The following CCDC88C variants were observed in gnomAD, a reference collection of about 807,000 sequenced individuals.
The protein encoded by CCDC88C is coiled-coil and HOOK domain protein 88C.
CCDC88C carries 131 observed loss-of-function variants against 198.8 expected under a neutral mutation model. That is an observed-to-expected ratio of 0.66 (90% CI 0.57 to 0.76). The LOEUF is 0.76. Among genes scored for constraint, CCDC88C ranks in the 30% least tolerant of loss-of-function variants. CCDC88C has a pLI of 0.00. For synonymous variants in CCDC88C, 1,166 were observed against 1,114.7 expected, an observed-to-expected ratio of 1.05 and a Z score of -0.92; for missense variants, 2,553 against 2,631.6, an observed-to-expected ratio of 0.97 and a Z score of 0.65.
intron 3 of CCDC88C, among the ~76,000 whole-genome samples, chr14:91,388,226 C>T (rs1009862671): frequency 3.3e-5 from 5 of 152,202 alleles, no homozygotes; most frequent in African/African-American, 1.2e-4. Flanking sequence ...GTGTGAAGGG[C>T]CCTAACCAAT....
intron 23 of CCDC88C, among the ~76,000 whole-genome samples, chr14:91,293,927 A>G (rs1210739563): frequency 6.6e-6 from 1 of 152,228 alleles, no homozygotes. Context: ...AGAAGCAGAG[A>G]AAAGAAGTTT....
intron 25 of CCDC88C, 197 bp from the exon 26 acceptor site, chr14:91,283,714 G>A (rs961064882): frequency 6.2e-5 from 37 of 597,892 alleles, no homozygotes; most frequent in African/African-American, 5.4e-4. Context: ...GCTTCAGGTG[G>A]TGTCAGAGGC....
At position 91,284,379 on chromosome 14, in the gene CCDC88C, A is replaced by G. The variant is rs1296900618; in HGVS notation, c.4442-862T>C. Among the ~76,000 whole-genome samples the G allele has an allele frequency of 6.6e-6, 1 of 152,222 alleles. No individual in the cohort carries two copies. Among genetic ancestry groups the G allele is most frequent in the Non-Finnish European group, 1.5e-5 (1 of 68,034 alleles). On this transcript the variant is annotated intron_variant, in intron 25 of 29. Coordinates refer to ENST00000389857, the MANE Select transcript of CCDC88C (RefSeq NM_001080414.4). This position sits in a 1 kb window ranked among gnomAD's most constrained non-coding sequence, Gnocchi z 4.1. ...GCTCACTGTGCAGTTTTAAGTGCCCAGAGCTGATGATTTGAAATCAAGGGG... is the reference window on the plus strand; with the variant it reads ...GCTCACTGTGCAGTTTTAAGTGCCCGGAGCTGATGATTTGAAATCAAGGGG...
At chr14:91,302,723 A>G (rs982229273) in intron 20 of CCDC88C, among the ~76,000 whole-genome samples, 1 of 152,228 alleles carries the variant, frequency 6.6e-6, no homozygotes, top group African/African-American at 2.4e-5. Context: ...CAAGAGTTTC[A>G]CTATATGATT....
intron 3 of CCDC88C, among the ~76,000 whole-genome samples, chr14:91,400,551 G>T (rs1255104797): frequency 6.6e-6 from 1 of 152,240 alleles, no homozygotes; most frequent in Non-Finnish European, 1.5e-5. Flanking sequence ...TGGCTGCCTT[G>T]TTCTCTAACC....
chr14:91,386,854 C>T (rs1885180721), intron 3 of CCDC88C, among the ~76,000 whole-genome samples: 2 of 152,168 alleles, frequency 1.3e-5, no homozygotes, highest in South Asian at 4.1e-4. Context: ...TTGGGACCAA[C>T]TAAGTCATCT....
chr14:91,282,623 A>G (rs981805379), intron 26 of CCDC88C, among the ~76,000 whole-genome samples: 3 of 152,178 alleles, frequency 2.0e-5, no homozygotes, highest in African/African-American at 7.2e-5. Context: ...GAGATTACTC[A>G]AAGAATATTT....
At chr14:91,285,456 T>C in intron 25 of CCDC88C, 2 of 460,082 alleles carry the variant, frequency 4.3e-6, no homozygotes, top group South Asian at 1.6e-5. Flanking sequence ...CCCCTAAAAC[T>C]GTGTTGTGCT....
rs550853701 is a variant in CCDC88C at position 91,288,564 on chromosome 14, T to A, written c.4441+541A>T. Among the ~76,000 whole-genome samples the A allele has an allele frequency of 1.3e-5, 2 of 152,346 alleles. No homozygotes were observed. The highest frequency in any genetic ancestry group is 2.9e-5 in the Non-Finnish European group (2 of 68,028). ...CTGCACGAATGTCAGCTTTGGATAT[T>A]GAGATATCTGCCCGGCTACATGATG... is the stretch of plus-strand genomic sequence containing the variant. On this transcript the variant is annotated intron_variant, in intron 25 of 29. Coordinates refer to ENST00000389857, the MANE Select transcript of CCDC88C (RefSeq NM_001080414.4). The surrounding 1 kb of genome is among the most constrained non-coding windows in gnomAD (Gnocchi z 4.2).
intron 3 of CCDC88C, among the ~76,000 whole-genome samples, chr14:91,384,047 C>T (rs1424272808): frequency 1.3e-5 from 2 of 152,150 alleles, no homozygotes; most frequent in South Asian, 4.1e-4. Flanking sequence ...GTTCCTAGGG[C>T]ACCACATCTG....
chr14:91,388,750 A>G (rs1567116003), intron 3 of CCDC88C, among the ~76,000 whole-genome samples: 1 of 152,212 alleles, frequency 6.6e-6, no homozygotes, highest in Non-Finnish European at 1.5e-5. Flanking sequence ...ACTGTGGGCC[A>G]TGACTCAAGC....
chr14:91,293,407 C>CCCCTCGCCTGCCACAGCCCACCTTCCTGT (rs1567055200), intron 23 of CCDC88C, among the ~76,000 whole-genome samples: 1 of 12,158 alleles, frequency 8.2e-5, no homozygotes, highest in Non-Finnish European at 1.4e-4. Context: ...CACCTTCCTG[C>CCCCTCGCCTGCCACAGCCCACCTTCCTGT]CCCCTCACCT....
In CCDC88C at chr14:91,307,234, T is replaced by C; in HGVS notation, c.3007-8A>G. The C allele has an allele frequency of 6.2e-7, 1 of 1,612,218 alleles. No homozygotes were observed. Among genetic ancestry groups the C allele is most frequent in the Non-Finnish European group, 8.5e-7 (1 of 1,179,700 alleles). ...CTCACACTCCTTCTTTAGCTACAGG[T>C]GTGACAATAAGCAAGGAGGCTTTAG... is the stretch of plus-strand genomic sequence containing the variant. On this transcript the variant is annotated splice_region_variant and splice_polypyrimidine_tract_variant and intron_variant, in intron 17 of 29. Transcript: ENST00000389857.
intron 12 of CCDC88C, 71 bp downstream of exon 12, chr14:91,324,708 C>A: frequency 6.4e-7 from 1 of 1,573,284 alleles, no homozygotes. Flanking sequence ...GATTCAGAGC[C>A]CAGGACTCAG....
chr14:91,337,921 GC>G, intron 10 of CCDC88C, 83 bp downstream of exon 10: 1 of 1,533,000 alleles, frequency 6.5e-7, no homozygotes, highest in Non-Finnish European at 8.9e-7. Context: ...GCTCCTCCAA[GC>G]CCCCAAGGAC....
At chr14:91,280,693 C>G (rs1270563034) in intron 27 of CCDC88C, among the ~76,000 whole-genome samples, 1 of 152,144 alleles carries the variant, frequency 6.6e-6, no homozygotes, top group Non-Finnish European at 1.5e-5. Flanking sequence ...GAGATGCACC[C>G]AGCACACGAG....
At chr14:91,370,654 C>T (rs1219550390) in intron 3 of CCDC88C, among the ~76,000 whole-genome samples, 3 of 152,124 alleles carry the variant, frequency 2.0e-5, no homozygotes, top group Non-Finnish European at 4.4e-5. Flanking sequence ...GAATGCAAGC[C>T]GGGTCTCTGC....
chr14:91,363,135 T>C (rs900824830), intron 3 of CCDC88C, among the ~76,000 whole-genome samples: 2 of 152,048 alleles, frequency 1.3e-5, no homozygotes, highest in African/African-American at 2.4e-5. Context: ...ATATACATAA[T>C]TGAGACACAT....
rs1894812577 is a variant in CCDC88C, at chr14:91,371,676, C to T, written c.271-11965G>A. Among the ~76,000 whole-genome samples the T allele has an allele frequency of 1.3e-5, 2 of 152,154 alleles. No individual in the cohort carries two copies. The highest frequency in any genetic ancestry group is 2.9e-5 in the Non-Finnish European group (2 of 68,012). Reference sequence around the variant, plus strand: ...CTCCCTAGCTCAGCAGAAGCAAGGCCTTCCTCGTCCCAGCAAGTAGCTGGG... The same window carrying T: ...CTCCCTAGCTCAGCAGAAGCAAGGCTTTCCTCGTCCCAGCAAGTAGCTGGG... On this transcript the variant is annotated intron_variant, in intron 3 of 29. Coordinates refer to ENST00000389857, the MANE Select transcript of CCDC88C (RefSeq NM_001080414.4). This position sits in a 1 kb window ranked among gnomAD's most constrained non-coding sequence, Gnocchi z 4.2.
Sources: allele counts gnomAD v4.1 joint callset (sites outside exome capture counted in the v4.1 genomes callset), GRCh38; gene constraint gnomAD v4.1.1; non-coding constraint Gnocchi (gnomAD v3.1); transcripts MANE v1.5; gene names NCBI Gene and HGNC (gene_info 2026-07-23, HGNC 2026-07-21).